The following CTNNA2 variants were observed in gnomAD, a reference collection of about 807,000 sequenced individuals.
The protein encoded by CTNNA2 is catenin alpha 2.
In CTNNA2, 42 loss-of-function variants were observed where a neutral mutation model predicts 101.0. The ratio of observed to expected loss-of-function variants is 0.42; its 90% CI spans 0.32 to 0.54. The LOEUF (loss-of-function observed/expected upper bound fraction) is 0.54, where lower values mean the gene tolerates loss of function less well. CTNNA2 is among the 20% of genes least tolerant of loss of function. The pLI is 0.14. For missense variants in CTNNA2, 871 were observed against 1,223.1 expected, an observed-to-expected ratio of 0.71 and a Z score of 4.29; for synonymous variants, 450 against 456.4, an observed-to-expected ratio of 0.99 and a Z score of 0.18.
chr2:79,488,145 C>A (rs1007455357), intron 4 of CTNNA2, among the ~76,000 whole-genome samples: 2 of 151,708 alleles, frequency 1.3e-5, no homozygotes, highest in African/African-American at 4.8e-5. Flanking sequence ...ATGGAGAAAC[C>A]CCCGTCTCTA....
intron 7 of CTNNA2, among the ~76,000 whole-genome samples, chr2:80,077,385 G>C (rs1300833580): frequency 6.6e-6 from 1 of 152,070 alleles, no homozygotes; most frequent in Non-Finnish European, 1.5e-5. Context: ...ACTTCAACAA[G>C]TATGAATGGA....
At chr2:79,835,666 G>GTTTTTTGTTTTTTTTTTTTTTTTTT (rs1679276639) in intron 3 of CTNNA2, among the ~76,000 whole-genome samples, 2 of 58,634 alleles carry the variant, frequency 3.4e-5, no homozygotes, top group African/African-American at 1.5e-4. Flanking sequence ...GCCTCTCTTT[G>GTTTTTTGTTTTTTTTTTTTTTTTTT]TTTTTTTTTT....
chr2:79,587,084 G>A (rs923452809), intron 1 of CTNNA2, among the ~76,000 whole-genome samples: 3 of 152,036 alleles, frequency 2.0e-5, no homozygotes, highest in Non-Finnish European at 4.4e-5. Flanking sequence ...AGGCATTTAG[G>A]TAGGTCCCAT....
rs76175974 is a variant in CTNNA2, at chr2:80,381,344, A to G, written c.1057-11867A>G. Among the ~76,000 whole-genome samples, 4 of 152,178 alleles carry G rather than the reference A, an allele frequency of 2.6e-5. No individual in the cohort carries two copies. The East Asian group carries it at 7.8e-4, about 30-fold the overall frequency. ...GCTTGTTAGTGTGCAAATAGTTAAA[A>G]TATTTCTTTGGTTGTTTTAACTGTT... On this transcript the variant is annotated intron_variant, in intron 7 of 18. Coordinates refer to ENST00000402739, the MANE Select transcript of CTNNA2 (RefSeq NM_001282597.3).
At chr2:79,387,659 T>C (rs2104469083) in intron 4 of CTNNA2, among the ~76,000 whole-genome samples, 1 of 152,272 alleles carries the variant, frequency 6.6e-6, no homozygotes, top group South Asian at 2.1e-4. Flanking sequence ...CAGCCAGGAA[T>C]GAGACTGACT....
In CTNNA2 at chr2:79,497,576, T is replaced by C. The variant is rs911891597; in HGVS notation, c.-134-7478T>C. ...TCAGTGTCTTGTTAACTCACTCCCT[T>C]TGGTGTCCTGCAGTTAACCTAGCAC... On this transcript the variant is annotated intron_variant, in intron 4 of 21. Transcript: ENST00000466387. Among the ~76,000 whole-genome samples the C allele has an allele frequency of 1.4e-4, 21 of 152,178 alleles. 1 individual carries two copies. Among genetic ancestry groups the C allele is most frequent in the Admixed American group, 1.2e-3 (19 of 15,274 alleles).
At chr2:80,619,556 G>C (rs3815649) in intron 18 of CTNNA2, among the ~76,000 whole-genome samples, 86,090 of 151,720 alleles carry the variant, frequency 0.57, 24,816 homozygotes, top group African/African-American at 0.65. Context: ...CTAAGGAAGG[G>C]TAGTCAGAAG....
At position 79,774,013 on chromosome 2, in the gene CTNNA2, T is replaced by C. The variant is rs539536843; in HGVS notation, c.298+29431T>C. Reference sequence around the variant, plus strand: ...CACCTTCCCCCATGATCTTTTGCAATGTGGCTTTGTGGCTTCTCTCATCAA... The same window carrying C: ...CACCTTCCCCCATGATCTTTTGCAACGTGGCTTTGTGGCTTCTCTCATCAA... On this transcript the variant is annotated intron_variant, in intron 3 of 18. Transcript: ENST00000402739. Among the ~76,000 whole-genome samples, 6 of 152,304 alleles carry C rather than the reference T, an allele frequency of 3.9e-5. No homozygotes were observed. The South Asian group carries it at 1.0e-3, about 26-fold the overall frequency.
intron 7 of CTNNA2, among the ~76,000 whole-genome samples, chr2:80,053,366 A>T (rs1697002697): frequency 6.6e-6 from 1 of 152,218 alleles, no homozygotes. Flanking sequence ...ACAACTTTAT[A>T]GTTGAGCAAT....
At chr2:80,016,202 T>C (rs942162957) in intron 7 of CTNNA2, among the ~76,000 whole-genome samples, 1 of 152,374 alleles carries the variant, frequency 6.6e-6, no homozygotes, top group South Asian at 2.1e-4. Flanking sequence ...ATTCATTTAT[T>C]CATTATTACC....
intron 7 of CTNNA2, among the ~76,000 whole-genome samples, chr2:79,973,952 G>GTTTTT (rs397793566): frequency 6.6e-6 from 1 of 151,362 alleles, no homozygotes; most frequent in Non-Finnish European, 1.5e-5. Flanking sequence ...TTGTTTGTTT[G>GTTTTT]TTTGTTTTGT....
At chr2:80,064,286 T>G (rs1425064891) in intron 7 of CTNNA2, among the ~76,000 whole-genome samples, 4 of 152,214 alleles carry the variant, frequency 2.6e-5, no homozygotes, top group Non-Finnish European at 5.9e-5. Flanking sequence ...GATGCTGATT[T>G]CTGACTTAAT....
At chr2:80,339,626 C>G (rs551113366) in intron 7 of CTNNA2, among the ~76,000 whole-genome samples, 1 of 152,064 alleles carries the variant, frequency 6.6e-6, no homozygotes, top group Non-Finnish European at 1.5e-5. Flanking sequence ...CTAGTCATCC[C>G]CTACTGATTA....
intron 4 of CTNNA2, among the ~76,000 whole-genome samples, chr2:79,467,852 T>C (rs1438347822): frequency 6.6e-6 from 1 of 152,160 alleles, no homozygotes; most frequent in Non-Finnish European, 1.5e-5. Context: ...ACTACCAGGC[T>C]TGCCCTACAA....
chr2:79,389,544 T>C (rs1235225067), intron 4 of CTNNA2, among the ~76,000 whole-genome samples: 1 of 152,240 alleles, frequency 6.6e-6, no homozygotes, highest in South Asian at 2.1e-4. Context: ...TGGTGAATTA[T>C]TGTTGTTTTC....
chr2:79,295,255 C>T (rs1675951141), intron 2 of CTNNA2, among the ~76,000 whole-genome samples: 1 of 152,136 alleles, frequency 6.6e-6, no homozygotes, highest in East Asian at 1.9e-4. Flanking sequence ...ACTTACCTTG[C>T]TGAGAAGAAA....
chr2:79,352,898 A>G (rs894426145), intron 3 of CTNNA2, among the ~76,000 whole-genome samples: 9 of 152,202 alleles, frequency 5.9e-5, no homozygotes, highest in Non-Finnish European at 8.8e-5. Flanking sequence ...ACTTACAATC[A>G]TGGCGAAAGG....
At chr2:79,539,992 A>G (rs910929017) in intron 1 of CTNNA2, among the ~76,000 whole-genome samples, 1 of 152,188 alleles carries the variant, frequency 6.6e-6, no homozygotes, top group African/African-American at 2.4e-5. Context: ...ATTAGCAGTT[A>G]CACACTAATT....
intron 3 of CTNNA2, among the ~76,000 whole-genome samples, chr2:79,348,557 G>A (rs751446551): frequency 1.3e-5 from 2 of 152,176 alleles, no homozygotes; most frequent in Non-Finnish European, 2.9e-5. Context: ...CAATGCTCTC[G>A]CCAATTCTCT....
Sources: allele counts gnomAD v4.1 joint callset (sites outside exome capture counted in the v4.1 genomes callset), GRCh38; gene constraint gnomAD v4.1.1; transcripts MANE v1.5; gene names NCBI Gene and HGNC (gene_info 2026-07-23, HGNC 2026-07-21).